Variants in CDH9 observed in about 807,000 individuals in gnomAD.
CDH9 encodes the protein cadherin-9.
In CDH9, 28 loss-of-function variants were observed where a neutral mutation model predicts 70.9. The ratio of observed to expected loss-of-function variants is 0.40; its 90% CI spans 0.29 to 0.54. The LOEUF (loss-of-function observed/expected upper bound fraction) is 0.54. Ranked by LOEUF, CDH9 falls within the 20% of genes least tolerant of loss-of-function variation. The pLI is 0.59. For synonymous variants in CDH9, 409 were observed against 343.1 expected (o/e 1.19, Z -2.12); for missense variants, 874 against 984.4 (o/e 0.89, Z 1.50).
At chr5:26,957,694 T>G (rs1341006863) in intron 2 of CDH9, among the ~76,000 whole-genome samples, 1 of 152,144 alleles carries the variant, frequency 6.6e-6, no homozygotes, top group African/African-American at 2.4e-5. Context: ...TGAATTAATA[T>G]TTCTTTGAAT....
At chr5:26,987,827 A>G (rs1742513172) in intron 2 of CDH9, among the ~76,000 whole-genome samples, 2 of 152,072 alleles carry the variant, frequency 1.3e-5, no homozygotes, top group Non-Finnish European at 2.9e-5. Context: ...TTTTATTTAG[A>G]TAATACACAT....
chr5:26,898,797 C>T (rs780950021), intron 7 of CDH9, among the ~76,000 whole-genome samples: 2 of 152,106 alleles, frequency 1.3e-5, no homozygotes, highest in Non-Finnish European at 2.9e-5. Flanking sequence ...AAAGCAATGA[C>T]AACAAAAGCC....
chr5:26,901,458 T>C (rs17497326), intron 7 of CDH9, among the ~76,000 whole-genome samples: 24,124 of 151,828 alleles, frequency 0.16, 1,942 homozygotes, highest in Middle Eastern at 0.34. Flanking sequence ...AACAAATTGC[T>C]TTATGAATTA....
intron 2 of CDH9, among the ~76,000 whole-genome samples, chr5:26,954,042 A>G (rs563309096): frequency 6.6e-6 from 1 of 152,296 alleles, no homozygotes; most frequent in East Asian, 1.9e-4. Context: ...GAGTTTGGCT[A>G]TTATCTACCT....
At chr5:26,962,381 T>A (rs1347272512) in intron 2 of CDH9, among the ~76,000 whole-genome samples, 1 of 152,200 alleles carries the variant, frequency 6.6e-6, no homozygotes, top group Non-Finnish European at 1.5e-5. Context: ...TAGTTCTAGA[T>A]CCTTGAGGAA....
chr5:27,015,733 A>G (rs1579514169), intron 1 of CDH9, among the ~76,000 whole-genome samples: 1 of 151,782 alleles, frequency 6.6e-6, no homozygotes, highest in African/African-American at 2.4e-5. Context: ...ACTCTGCCAA[A>G]CACTTCACAC....
chr5:26,997,741 C>T (rs1233026666), intron 1 of CDH9, among the ~76,000 whole-genome samples: 1 of 151,106 alleles, frequency 6.6e-6, no homozygotes, highest in African/African-American at 2.4e-5. Context: ...CACTCTGTCT[C>T]CAGGCTGGAG....
chr5:26,957,008 T>TC (rs1579475993), intron 2 of CDH9, among the ~76,000 whole-genome samples: 2 of 151,244 alleles, frequency 1.3e-5, no homozygotes, highest in Non-Finnish European at 2.9e-5. Flanking sequence ...TGTGCTTTTT[T>TC]TTTTTTTCAT....
intron 2 of CDH9, among the ~76,000 whole-genome samples, chr5:26,968,486 A>C (rs1742165279): frequency 1.3e-5 from 2 of 152,014 alleles, no homozygotes; most frequent in African/African-American, 2.4e-5. Context: ...GTGTTTCATC[A>C]TGTTGGCCAG....
chr5:27,011,204 G>C (rs947024648), intron 1 of CDH9, among the ~76,000 whole-genome samples: 24 of 152,054 alleles, frequency 1.6e-4, no homozygotes, highest in African/African-American at 5.8e-4. Flanking sequence ...ATATGAACAT[G>C]TTATTTATAG....
chr5:26,922,234 T>C (rs1398258183), intron 2 of CDH9, among the ~76,000 whole-genome samples: 1 of 151,982 alleles, frequency 6.6e-6, no homozygotes, highest in East Asian at 1.9e-4. Flanking sequence ...GACAAGAAGT[T>C]TATAGAACAC....
chr5:27,020,898 T>C (rs1208726260), intron 1 of CDH9, among the ~76,000 whole-genome samples: 1 of 151,696 alleles, frequency 6.6e-6, no homozygotes, highest in Non-Finnish European at 1.5e-5. Context: ...CTCATACAAT[T>C]GACGGTTAAT....
intron 1 of CDH9, among the ~76,000 whole-genome samples, chr5:27,034,939 T>C (rs990890503): frequency 6.6e-6 from 1 of 151,488 alleles, no homozygotes; most frequent in Non-Finnish European, 1.5e-5. Context: ...GGCAGAGAAA[T>C]TGAAATGACT....
At chr5:26,955,630 T>C (rs1009611340) in intron 2 of CDH9, among the ~76,000 whole-genome samples, 2 of 151,834 alleles carry the variant, frequency 1.3e-5, no homozygotes, top group Non-Finnish European at 2.9e-5. Flanking sequence ...TTATTTCAAT[T>C]TCAGCTGACT....
At chr5:26,945,972 G>A (rs1741745880) in intron 2 of CDH9, among the ~76,000 whole-genome samples, 2 of 152,074 alleles carry the variant, frequency 1.3e-5, no homozygotes. Flanking sequence ...CAAACTAAGA[G>A]AAAATGAAGA....
At chr5:26,949,724 G>T (rs189631387) in intron 2 of CDH9, among the ~76,000 whole-genome samples, 1 of 152,144 alleles carries the variant, frequency 6.6e-6, no homozygotes. Context: ...TTCCTAGAAG[G>T]TTGTCAGCAT....
Position 26,883,078 on chromosome 5 carries a change from T to G in CDH9, c.1883-1455A>C, listed in dbSNP as rs1217793491. 1.1e-3 allele frequency among the ~76,000 whole-genome samples: 137 copies of G among 126,060 alleles called. 11 individuals are homozygous for G. Among genetic ancestry groups the G allele is most frequent in the South Asian group, 9.7e-3 (41 of 4,224 alleles). 82.7% of individuals were successfully genotyped at this position (126,060 alleles called of 152,430 possible). On this transcript the variant is annotated intron_variant, in intron 11 of 11. Coordinates refer to ENST00000231021, the MANE Select transcript of CDH9 (RefSeq NM_016279.4). ...ATATATATATATATATATATATATA[T>G]ATATATATATATATATAAAACTGCA...
At position 26,983,648 on chromosome 5, in the gene CDH9, C is replaced by A. The variant is rs142694231; in HGVS notation, c.228+4458G>T. On this transcript the variant is annotated intron_variant, in intron 2 of 11. Coordinates refer to ENST00000231021, the MANE Select transcript of CDH9 (RefSeq NM_016279.4). ...AATTCATAAAGAGAATTTTGGAATA[C>A]AATGTATTTACAAATCAAAAGCAGC... Among the ~76,000 whole-genome samples the A allele has an allele frequency of 8.4e-3, 1,272 of 152,176 alleles. 57 individuals are homozygous for A. The highest frequency in any genetic ancestry group is 0.067 in the Admixed American group (1,019 of 15,264).
chr5:26,953,264 A>G (rs1200517404), intron 2 of CDH9, among the ~76,000 whole-genome samples: 1 of 152,202 alleles, frequency 6.6e-6, no homozygotes, highest in East Asian at 1.9e-4. Context: ...TGGATTGAAA[A>G]TGTAACTATT....
Sources: gnomAD v4.1 joint callset for allele counts (sites outside exome capture counted in the v4.1 genomes callset) on GRCh38, gnomAD v4.1.1 for gene constraint, MANE v1.5 for transcripts, NCBI Gene and HGNC (gene_info 2026-07-23, HGNC 2026-07-21) for gene names.